Variants in ADGRV1 observed in about 807,000 individuals in gnomAD.
ADGRV1 encodes the protein G-protein coupled receptor 98.
In ADGRV1, 359 loss-of-function variants were observed where a neutral mutation model predicts 596.2. The observed-to-expected ratio is 0.60, with a 90% CI of 0.55 to 0.66. ADGRV1 has a LOEUF of 0.66. ADGRV1 is among the 30% of genes least tolerant of loss of function. The pLI is 0.00. For synonymous variants in ADGRV1, 2,681 were observed against 2,679.2 expected (o/e 1.00, Z -0.02); for missense variants, 7,274 against 7,575.6 (o/e 0.96, Z 1.48).
intron 85 of ADGRV1, among the ~76,000 whole-genome samples, chr5:91,015,580 T>C (rs1581795151): frequency 6.6e-6 from 1 of 152,214 alleles, no homozygotes; most frequent in East Asian, 1.9e-4. Context: ...TGGGTGCATA[T>C]ATATTTAGGA....
chr5:90,872,333 C>T (rs2150502957), intron 83 of ADGRV1, among the ~76,000 whole-genome samples: 1 of 151,192 alleles, frequency 6.6e-6, no homozygotes, highest in Admixed American at 6.6e-5. Context: ...TGTTTGTGTC[C>T]TCATTGCTTG....
intron 1 of ADGRV1, among the ~76,000 whole-genome samples, chr5:90,603,976 A>T (rs1469009440): frequency 6.7e-6 from 1 of 149,506 alleles, no homozygotes; most frequent in Non-Finnish European, 1.5e-5. Context: ...AATGACATGG[A>T]GATAAGAAAT....
At chr5:90,848,084 C>A (rs1766099690) in intron 78 of ADGRV1, among the ~76,000 whole-genome samples, 1 of 152,050 alleles carries the variant, frequency 6.6e-6, no homozygotes, top group Non-Finnish European at 1.5e-5. Flanking sequence ...AACAAATAAC[C>A]CAGTTTTTTT....
At chr5:90,961,226 C>G (rs1292727794) in intron 83 of ADGRV1, among the ~76,000 whole-genome samples, 1 of 152,062 alleles carries the variant, frequency 6.6e-6, no homozygotes, top group Non-Finnish European at 1.5e-5. Flanking sequence ...TTTGGCCGCG[C>G]GCAGCGGTTC....
chr5:90,695,970 A>G (rs149247648), intron 33 of ADGRV1, among the ~76,000 whole-genome samples: 6 of 152,298 alleles, frequency 3.9e-5, no homozygotes, highest in African/African-American at 1.4e-4. Context: ...AATTACCATT[A>G]CCATGAATTA....
chr5:90,608,565 A>G (rs1304864610), intron 1 of ADGRV1, among the ~76,000 whole-genome samples: 4 of 152,160 alleles, frequency 2.6e-5, no homozygotes, highest in East Asian at 1.9e-4. Context: ...CTACAATTCT[A>G]TACTCAATTA....
intron 1 of ADGRV1, among the ~76,000 whole-genome samples, chr5:90,576,275 CACG>C (rs1466292368): frequency 1.3e-5 from 2 of 151,986 alleles, no homozygotes; most frequent in East Asian, 3.9e-4. Flanking sequence ...CCCCCCGCCC[CACG>C]ACAAGCCCCA....
At position 90,847,707 on chromosome 5, in the gene ADGRV1, G is replaced by T. The variant is rs555311392; in HGVS notation, c.17020-930G>T. Among the ~76,000 whole-genome samples the T allele has an allele frequency of 7.2e-5, 11 of 152,314 alleles. No individual in the cohort carries two copies. The East Asian group carries it at 1.4e-3, about 19-fold the overall frequency. On this transcript the variant is annotated intron_variant, in intron 78 of 89. Coordinates refer to ENST00000405460, the MANE Select transcript of ADGRV1 (RefSeq NM_032119.4). The stretch of plus-strand genomic sequence containing the variant: ...CGGCAAGAAGTCGAGCACGGCAGCT[G>T]CTGGCCAAGGTGCTAAGCCCCTCAC...
intron 77 of ADGRV1, among the ~76,000 whole-genome samples, chr5:90,840,143 T>C (rs1765305751): frequency 6.6e-6 from 1 of 152,228 alleles, no homozygotes; most frequent in Admixed American, 6.5e-5. Flanking sequence ...TTTCTTCTAC[T>C]TCTGCTTTCC....
At chr5:90,666,271 G>A (rs1561486889) in intron 21 of ADGRV1, among the ~76,000 whole-genome samples, 2 of 152,062 alleles carry the variant, frequency 1.3e-5, no homozygotes, top group Admixed American at 6.5e-5. Flanking sequence ...AGGTCATTCA[G>A]GACTTGCTTT....
rs779624376 is a variant in ADGRV1 at position 90,745,603 on chromosome 5, G to A, written c.10782G>A (p.Leu3594=). The change falls in exon 52 of 90, where the codon CTG becomes CTA. Residue 3594 remains leucine (L), a synonymous_variant. Coordinates refer to ENST00000405460, the MANE Select transcript of ADGRV1 (RefSeq NM_032119.4). ...HSDFIPSSGE[L]IFEPGEREAT... ...CTTCTTATGGTAGTTCAGGTGAACT[G>A]ATATTTGAACCTGGTGAGAGAGAAG... is the stretch of plus-strand genomic sequence containing the variant. 8 of 1,609,186 alleles carry A rather than the reference G, an allele frequency of 5.0e-6. No individual in the cohort carries two copies. Among genetic ancestry groups the A allele is most frequent in the Non-Finnish European group, 5.1e-6 (6 of 1,177,034 alleles).
intron 70 of ADGRV1, among the ~76,000 whole-genome samples, chr5:90,800,741 C>T (rs1455973610): frequency 6.6e-6 from 1 of 152,092 alleles, no homozygotes; most frequent in African/African-American, 2.4e-5. Context: ...GCTATACAGC[C>T]ATAAAAATGG....
intron 5 of ADGRV1, among the ~76,000 whole-genome samples, chr5:90,624,838 C>G (rs1764527942): frequency 6.6e-6 from 1 of 151,658 alleles, no homozygotes; most frequent in Admixed American, 6.6e-5. Context: ...TCTTGAATAC[C>G]CTTTCTTCCA....
intron 8 of ADGRV1, 58 bp downstream of exon 8, chr5:90,628,890 A>G: frequency 6.6e-7 from 1 of 1,511,752 alleles, no homozygotes; most frequent in Non-Finnish European, 8.9e-7. Context: ...CAAGAACCAA[A>G]GAATTTGGTC....
intron 83 of ADGRV1, among the ~76,000 whole-genome samples, chr5:90,964,354 A>G (rs1236479832): frequency 6.6e-6 from 1 of 152,114 alleles, no homozygotes; most frequent in African/African-American, 2.4e-5. Flanking sequence ...ATAAACGCTT[A>G]TTGATCATCT....
At position 90,657,967 on chromosome 5, in the gene ADGRV1, C is replaced by G; in HGVS notation, c.4441C>G (p.Gln1481Glu). Reference protein sequence around the residue: ...NGNDRFTGLMQDVRSYERKLT... With the variant: ...NGNDRFTGLMEDVRSYERKLT... ...CAATGACAGATTTACAGGTCTGATG[C>G]AGGATGTGAGGTCCTATGAGCGGAA... The change falls in exon 21 of 90, where the codon CAG becomes GAG. Residue 1481 changes from glutamine (Q) to glutamate (E), a missense_variant. Around this residue, in one of 5 missense-constraint regions of ADGRV1, gnomAD observed 3,643 missense variants for 3,809.2 expected, o/e 0.96. Transcript: ENST00000405460. 1 of 1,613,782 alleles carries G rather than the reference C, an allele frequency of 6.2e-7. No individual in the cohort carries two copies. Among genetic ancestry groups the G allele is most frequent in the South Asian group, 1.1e-5 (1 of 91,050 alleles).
At chr5:91,154,423 A>G (rs1796301426) in intron 89 of ADGRV1, among the ~76,000 whole-genome samples, 3 of 152,242 alleles carry the variant, frequency 2.0e-5, no homozygotes, top group African/African-American at 4.8e-5. Context: ...AAATACTCCA[A>G]AATTCCTAAG....
intron 87 of ADGRV1, among the ~76,000 whole-genome samples, chr5:91,117,079 A>G (rs1475028810): frequency 1.3e-5 from 2 of 152,194 alleles, no homozygotes; most frequent in South Asian, 2.1e-4. Flanking sequence ...ATGGTCATTT[A>G]AAAAGGTTTG....
intron 83 of ADGRV1, among the ~76,000 whole-genome samples, chr5:90,915,494 C>CA (rs1051517433): frequency 1.3e-5 from 2 of 152,190 alleles, no homozygotes; most frequent in Non-Finnish European, 2.9e-5. Flanking sequence ...ACTAGGTCCA[C>CA]AAGCTTGTTT....
Sources: allele counts gnomAD v4.1 joint callset (sites outside exome capture counted in the v4.1 genomes callset), GRCh38; gene constraint gnomAD v4.1.1; regional missense constraint gnomAD v4.1.1; transcripts MANE v1.5; gene names NCBI Gene and HGNC (gene_info 2026-07-23, HGNC 2026-07-21).